The following DGKB variants were observed in gnomAD, a reference collection of about 807,000 sequenced individuals.
The protein encoded by DGKB is 90 kDa diacylglycerol kinase.
DGKB carries 67 observed loss-of-function variants against 114.3 expected under a neutral mutation model. The observed-to-expected ratio is 0.59, with a 90% CI of 0.48 to 0.72. The LOEUF is 0.72. Among genes scored for constraint, DGKB ranks in the 30% least tolerant of loss-of-function variants. The probability of loss-of-function intolerance (pLI) is 0.00; values close to 1 mark genes in which losing one functional copy is unlikely to be tolerated. For missense variants in DGKB, 907 were observed against 975.2 expected, an observed-to-expected ratio of 0.93 and a Z score of 0.93; for synonymous variants, 398 against 323.1, an observed-to-expected ratio of 1.23 and a Z score of -2.49.
intron 20 of DGKB, among the ~76,000 whole-genome samples, chr7:14,529,963 C>T (rs1791289614): frequency 6.6e-6 from 1 of 151,688 alleles, no homozygotes; most frequent in African/African-American, 2.4e-5. Context: ...AAAGTTGTTA[C>T]TCTTTTGACC....
chr7:14,769,348 A>G (rs1323993065), intron 2 of DGKB, among the ~76,000 whole-genome samples: 1 of 152,072 alleles, frequency 6.6e-6, no homozygotes, highest in Admixed American at 6.6e-5. Flanking sequence ...AGTCCATGCA[A>G]CATTGCACTA....
chr7:14,245,659 G>A (rs544533708), intron 23 of DGKB, among the ~76,000 whole-genome samples: 71 of 152,216 alleles, frequency 4.7e-4, no homozygotes, highest in African/African-American at 1.3e-3. Flanking sequence ...CAGGCGAGAC[G>A]GCTGACGCCT....
At chr7:14,779,946 T>C (rs1838814687) in intron 2 of DGKB, among the ~76,000 whole-genome samples, 1 of 152,210 alleles carries the variant, frequency 6.6e-6, no homozygotes, top group East Asian at 1.9e-4. Flanking sequence ...CACCTTTTCT[T>C]AACTATACCT....
intron 20 of DGKB, among the ~76,000 whole-genome samples, chr7:14,494,710 C>T (rs1002121793): frequency 7.2e-5 from 11 of 151,820 alleles, no homozygotes; most frequent in East Asian, 1.9e-4. Context: ...AGGTTGAAAG[C>T]GCCTATGACT....
At chr7:14,345,914 G>A (rs2128593602) in intron 21 of DGKB, among the ~76,000 whole-genome samples, 1 of 150,534 alleles carries the variant, frequency 6.6e-6, no homozygotes, top group Non-Finnish European at 1.5e-5. Context: ...GATATTTTTG[G>A]CTTTTTGTAC....
chr7:14,209,959 G>C (rs984308306), intron 23 of DGKB, among the ~76,000 whole-genome samples: 1 of 151,674 alleles, frequency 6.6e-6, no homozygotes, highest in African/African-American at 2.4e-5. Context: ...GAATATGCAG[G>C]TGCACTAATA....
chr7:14,929,396 T>C (rs1431100587), intron 1 of DGKB, among the ~76,000 whole-genome samples: 1 of 152,102 alleles, frequency 6.6e-6, no homozygotes, highest in Non-Finnish European at 1.5e-5. Context: ...CAACATCTGT[T>C]ATTTTTTGAT....
At chr7:14,595,978 T>C (rs1802510454) in intron 17 of DGKB, among the ~76,000 whole-genome samples, 1 of 152,142 alleles carries the variant, frequency 6.6e-6, no homozygotes, top group African/African-American at 2.4e-5. Flanking sequence ...ATTTCAATTT[T>C]TTGTTCAATG....
intron 5 of DGKB, among the ~76,000 whole-genome samples, chr7:14,725,560 T>C (rs1364244593): frequency 2.0e-5 from 3 of 151,902 alleles, no homozygotes; most frequent in Non-Finnish European, 4.4e-5. Context: ...TATGTTGATT[T>C]TTTTTTTTTT....
At chr7:14,600,438 G>T (rs575112972) in intron 17 of DGKB, among the ~76,000 whole-genome samples, 1 of 152,170 alleles carries the variant, frequency 6.6e-6, no homozygotes, top group Non-Finnish European at 1.5e-5. Context: ...TATCCCAGGA[G>T]CCCCAAAAGT....
chr7:14,609,003 A>G (rs1314397790), intron 16 of DGKB, among the ~76,000 whole-genome samples: 1 of 152,090 alleles, frequency 6.6e-6, no homozygotes, highest in Non-Finnish European at 1.5e-5. Flanking sequence ...CAATTTATAG[A>G]TTTAACACTA....
chr7:14,206,142 A>G (rs1786771462), intron 23 of DGKB, among the ~76,000 whole-genome samples: 1 of 152,046 alleles, frequency 6.6e-6, no homozygotes, highest in Non-Finnish European at 1.5e-5. Context: ...TATAGAGACT[A>G]CAGTCTATAC....
chr7:14,351,213 C>T (rs905151258), intron 21 of DGKB, among the ~76,000 whole-genome samples: 29 of 152,190 alleles, frequency 1.9e-4, no homozygotes, highest in Non-Finnish European at 3.1e-4. Flanking sequence ...AGAAACATTA[C>T]ACTAAACATG....
chr7:14,584,205 C>T (rs559112589), intron 17 of DGKB, among the ~76,000 whole-genome samples: 9 of 152,216 alleles, frequency 5.9e-5, no homozygotes, highest in Middle Eastern at 3.4e-3. Flanking sequence ...AGCACTGCAT[C>T]ATGTTTTATA....
At chr7:14,835,205 G>A (rs1846981841) in intron 2 of DGKB, among the ~76,000 whole-genome samples, 1 of 152,142 alleles carries the variant, frequency 6.6e-6, no homozygotes, top group Non-Finnish European at 1.5e-5. Flanking sequence ...TCAGGGTAAA[G>A]TCAAGACATT....
chr7:14,279,373 G>T (rs369580201), intron 23 of DGKB, among the ~76,000 whole-genome samples: 1 of 152,130 alleles, frequency 6.6e-6, no homozygotes, highest in African/African-American at 2.4e-5. Flanking sequence ...ACTGGGTGGA[G>T]CCCACCACAG....
At chr7:14,597,924 ATGT>A (rs952564898) in intron 17 of DGKB, among the ~76,000 whole-genome samples, 1 of 152,150 alleles carries the variant, frequency 6.6e-6, no homozygotes, top group African/African-American at 2.4e-5. Flanking sequence ...ATTATAATTT[ATGT>A]GAGCAATCAA....
intron 13 of DGKB, among the ~76,000 whole-genome samples, chr7:14,647,848 G>GGGAA (rs1175270484): frequency 6.6e-6 from 1 of 152,238 alleles, no homozygotes; most frequent in Non-Finnish European, 1.5e-5. Context: ...CAAGGGGTCA[G>GGGAA]GGAGTTCCCT....
intron 6 of DGKB, among the ~76,000 whole-genome samples, chr7:14,709,306 T>C (rs1444194156): frequency 8.8e-5 from 13 of 147,776 alleles, no homozygotes; most frequent in Non-Finnish European, 1.5e-4. Flanking sequence ...CATTAAAAAG[T>C]CAGGAAACAA....
Sources: allele counts gnomAD v4.1 joint callset (sites outside exome capture counted in the v4.1 genomes callset), GRCh38; gene constraint gnomAD v4.1.1; transcripts MANE v1.5; gene names NCBI Gene and HGNC (gene_info 2026-07-23, HGNC 2026-07-21).